NLRP4: variants seen among roughly 807,000 people sequenced by gnomAD.
NLRP4 encodes NACHT, LRR and PYD domains-containing protein 4.
In NLRP4, 44 loss-of-function variants were observed where a neutral mutation model predicts 84.7. The ratio of observed to expected loss-of-function variants is 0.52; its 90% CI spans 0.41 to 0.67. The LOEUF (loss-of-function observed/expected upper bound fraction) is 0.67, where lower values mean the gene tolerates loss of function less well. Among genes scored for constraint, NLRP4 ranks in the 30% least tolerant of loss-of-function variants. The pLI is 0.00. For synonymous variants in NLRP4, 544 were observed against 476.4 expected (o/e 1.14, Z -1.85); for missense variants, 1,260 against 1,219.4 (o/e 1.03, Z -0.50).
rs182422053 is a variant in NLRP4 at position 55,871,149 on chromosome 19, C to T, written c.2525+152C>T. ...TACTTGCTTCAGATTCTTGTCGAGA[C>T]GTTCATGTAAACAAATCAGCACCCT... On this transcript the variant is annotated intron_variant, in intron 7 of 9. Coordinates refer to ENST00000301295, the MANE Select transcript of NLRP4 (RefSeq NM_134444.5). The T allele has an allele frequency of 1.8e-4, 118 of 647,844 alleles. 2 individuals carry two copies. The highest frequency in any genetic ancestry group is 1.2e-3 in the East Asian group (42 of 36,074). 40.1% of individuals were successfully genotyped at this position (647,844 alleles called of 1,614,324 possible). A position where few individuals can be genotyped will look rare whatever the true frequency, so the allele number is the denominator to read the frequency against.
At chr19:55,874,848 C>T (rs1985313339) in intron 7 of NLRP4, among the ~76,000 whole-genome samples, 1 of 152,060 alleles carries the variant, frequency 6.6e-6, no homozygotes, top group Admixed American at 6.6e-5. Flanking sequence ...TAGTGTCATT[C>T]ATGAAATGCA....
rs1985395012 is a variant in NLRP4, at chr19:55,876,933, C to T, written c.2526-63C>T. 10 of 1,408,290 alleles carry T rather than the reference C, an allele frequency of 7.1e-6. No individual in the cohort carries two copies. In the Admixed American group the frequency reaches 1.9e-4, roughly 27 times the overall value. 87.2% of individuals were successfully genotyped at this position (1,408,290 alleles called of 1,614,324 possible). The stretch of plus-strand genomic sequence containing the variant: ...CAAAGGCTGTCGTGCTTTGGTGTCT[C>T]TTTTCCTGATATTAGACTGAGGTGT... On this transcript the variant is annotated intron_variant, in intron 7 of 9. Transcript: ENST00000301295.
intron 2 of NLRP4, among the ~76,000 whole-genome samples, chr19:55,854,640 A>C (rs1984339408): frequency 6.6e-6 from 1 of 152,142 alleles, no homozygotes. Flanking sequence ...ATAATTTGAG[A>C]GTTTCCATTT....
chr19:55,881,808 G>A lies in NLRP4; in HGVS notation c.*221G>A, dbSNP rs762843410. 9.7e-5 allele frequency: 36 copies of A among 371,116 alleles called. No homozygotes were observed. The highest frequency in any genetic ancestry group is 1.6e-4 in the Non-Finnish European group (34 of 207,764). 23.0% of individuals were successfully genotyped at this position (371,116 alleles called of 1,614,324 possible). ...CCTTCATGGTCTCTCGGTCTCACAA[G>A]GACCTCTTAACCCCTCAATAAAGTG... is the stretch of plus-strand genomic sequence containing the variant. On this transcript the variant is annotated 3_prime_UTR_variant, in exon 10 of 10. Transcript: ENST00000301295.
intron 1 of NLRP4, among the ~76,000 whole-genome samples, chr19:55,841,633 C>A (rs1292110263): frequency 6.6e-6 from 1 of 152,108 alleles, no homozygotes; most frequent in East Asian, 1.9e-4. Context: ...GAGGCCGAGG[C>A]AGGCAGATCA....
At chr19:55,866,359 A>G (rs965724469) in intron 5 of NLRP4, among the ~76,000 whole-genome samples, 4 of 152,190 alleles carry the variant, frequency 2.6e-5, no homozygotes, top group African/African-American at 4.8e-5. Flanking sequence ...AAATCTAGAA[A>G]GAACATTAAA....
chr19:55,862,927 G>C (rs1448873349), intron 5 of NLRP4, among the ~76,000 whole-genome samples: 1 of 152,236 alleles, frequency 6.6e-6, no homozygotes, highest in Non-Finnish European at 1.5e-5. Flanking sequence ...GGAAAACTGT[G>C]TGTATTCAGC....
chr19:55,841,940 G>A (rs988546665), intron 1 of NLRP4, among the ~76,000 whole-genome samples: 3 of 152,080 alleles, frequency 2.0e-5, no homozygotes, highest in African/African-American at 7.2e-5. Flanking sequence ...TTTTAAAGAG[G>A]TATATACCCA....
chr19:55,866,456 A>G (rs1193012006), intron 5 of NLRP4, among the ~76,000 whole-genome samples: 1 of 152,028 alleles, frequency 6.6e-6, no homozygotes, highest in African/African-American at 2.4e-5. Context: ...TTTCTGGACA[A>G]CTCCCATAAT....
At chr19:55,851,389 C>CCGAGGCTGCGGTGTAATTTA (rs1466860927) in intron 1 of NLRP4, among the ~76,000 whole-genome samples, 6 of 65,374 alleles carry the variant, frequency 9.2e-5, no homozygotes, top group East Asian at 5.0e-4. Flanking sequence ...GGTGTAATGT[C>CCGAGGCTGCGGTGTAATTTA]CGAGGCTGCG....
chr19:55,837,296 C>T (rs529305733), intron 1 of NLRP4, among the ~76,000 whole-genome samples: 64 of 152,106 alleles, frequency 4.2e-4, no homozygotes, highest in Non-Finnish European at 6.3e-4. Flanking sequence ...AACTGTACAC[C>T]AAACCCCTGT....
At chr19:55,861,760 T>C (rs968990931) in intron 4 of NLRP4, among the ~76,000 whole-genome samples, 1 of 152,184 alleles carries the variant, frequency 6.6e-6, no homozygotes, top group Non-Finnish European at 1.5e-5. Context: ...CCCTGGTCTC[T>C]ACCCTCTAGA....
intron 1 of NLRP4, among the ~76,000 whole-genome samples, chr19:55,850,124 A>G (rs185633803): frequency 7.9e-4 from 90 of 114,444 alleles, no homozygotes; most frequent in African/African-American, 1.2e-3. Context: ...GCTGCGGTGT[A>G]ATTTCCGTGG....
chr19:55,874,081 G>T (rs1269821271), intron 7 of NLRP4, among the ~76,000 whole-genome samples: 5 of 152,022 alleles, frequency 3.3e-5, no homozygotes, highest in Non-Finnish European at 1.5e-5. Flanking sequence ...CTGCAGGGTG[G>T]TTCTTGGAAA....
Position 55,867,825 on chromosome 19 carries a change from C to G in NLRP4, c.2303C>G (p.Pro768Arg). 2 of 1,614,156 alleles carry G rather than the reference C, an allele frequency of 1.2e-6. No homozygotes were observed. Among genetic ancestry groups the G allele is most frequent in the South Asian group, 2.2e-5 (2 of 91,078 alleles). The stretch of plus-strand genomic sequence containing the variant: ...TGCAACCAGTTAGACACAGGCGTGC[C>G]CCTTTTGTGTGAAGCCCTGTGCAGC... ...VSCNQLDTGV[P>R]LLCEALCSPD... The change falls in exon 6 of 10, where the codon CCC becomes CGC. Residue 768 changes from proline (P) to arginine (R), a missense_variant. By Grantham distance (103) the Pro-to-Arg change is moderately radical. Transcript: ENST00000301295.
At chr19:55,872,368 A>G (rs1001949908) in intron 7 of NLRP4, among the ~76,000 whole-genome samples, 1 of 152,176 alleles carries the variant, frequency 6.6e-6, no homozygotes, top group Non-Finnish European at 1.5e-5. Context: ...AGTAAATACC[A>G]CACAGTTAAA....
chr19:55,848,006 C>T (rs1983865563), intron 1 of NLRP4, among the ~76,000 whole-genome samples: 2 of 152,068 alleles, frequency 1.3e-5, no homozygotes, highest in Admixed American at 6.6e-5. Flanking sequence ...TGAGCCACTG[C>T]ACCTGGCCCC....
chr19:55,864,439 G>C (rs190900883), intron 5 of NLRP4, among the ~76,000 whole-genome samples: 259 of 152,296 alleles, frequency 1.7e-3, no homozygotes, highest in Middle Eastern at 3.4e-3. Context: ...CCACTGTGTA[G>C]ATATTCCCCA....
rs1265064580 is a variant in NLRP4, at chr19:55,858,850, C to A, written c.1457C>A (p.Ala486Asp). The change falls in exon 3 of 10, where the codon GCC (alanine) becomes GAC (aspartate). Residue 486 changes from alanine to aspartate, a missense_variant. By Grantham distance (126) the Ala-to-Asp change is moderately radical (BLOSUM62 -2). Transcript: ENST00000301295. This position sits in a 1 kb window ranked among gnomAD's most constrained non-coding sequence, Gnocchi z 4.2. ...AVRCVQELLV[A>D]NFEKARRAHW... ...AGATGTGTACAGGAATTGCTAGTTGCCAATTTTGAAAAAGCAAGGAGAGCA... is the reference window on the plus strand; with the variant it reads ...AGATGTGTACAGGAATTGCTAGTTGACAATTTTGAAAAAGCAAGGAGAGCA... 6.2e-7 allele frequency: 1 copy of A among 1,614,060 alleles called. No individual in the cohort carries two copies.
Sources: gnomAD v4.1 joint callset for allele counts (sites outside exome capture counted in the v4.1 genomes callset) on GRCh38, gnomAD v4.1.1 for gene constraint, Gnocchi (gnomAD v3.1) non-coding constraint, MANE v1.5 for transcripts, NCBI Gene and HGNC (gene_info 2026-07-23, HGNC 2026-07-21) for gene names.